NPIPB4: variants seen among roughly 807,000 people sequenced by gnomAD.
NPIPB4 encodes the protein nuclear pore complex-interacting protein family member B4.
For missense variants in NPIPB4, 105 were observed against 513.7 expected (o/e 0.20, Z 7.69); for synonymous variants, 31 against 194.1 (o/e 0.16, Z 6.99).
At chr16:21,850,433 G>A (rs1390534826) in intron 2 of NPIPB4, among the ~76,000 whole-genome samples, 9 of 152,026 alleles carry the variant, frequency 5.9e-5, no homozygotes, top group Non-Finnish European at 1.0e-4. Context: ...GGCAGATCAC[G>A]AGGTCAAGAG....
At chr16:21,845,866 A>ATTTTCCT (rs1475900044) in intron 3 of NPIPB4, among the ~76,000 whole-genome samples, 11 of 125,046 alleles carry the variant, frequency 8.8e-5, no homozygotes, top group Non-Finnish European at 1.8e-4. Flanking sequence ...TGGAATTGTT[A>ATTTTCCT]AAAAGTGGTA....
chr16:21,853,749 AC>A (rs1463366300), intron 2 of NPIPB4, among the ~76,000 whole-genome samples: 1 of 6,436 alleles, frequency 1.6e-4, no homozygotes, highest in Non-Finnish European at 2.4e-4. Flanking sequence ...GGCAGAGAGT[AC>A]TATAATGTCC....
intron 5 of NPIPB4, among the ~76,000 whole-genome samples, chr16:21,840,598 A>G (rs1371223667): frequency 6.9e-6 from 1 of 144,378 alleles, no homozygotes; most frequent in African/African-American, 2.5e-5. Flanking sequence ...CCTCCCATTG[A>G]GGGACAAAAA....
intron 2 of NPIPB4, among the ~76,000 whole-genome samples, chr16:21,847,893 CTT>C (rs1374095202): frequency 6.0e-5 from 1 of 16,728 alleles, no homozygotes; most frequent in Non-Finnish European, 1.2e-4. Flanking sequence ...AAAAAAACCT[CTT>C]TTTTTTTTTT....
intron 3 of NPIPB4, among the ~76,000 whole-genome samples, chr16:21,846,004 GA>G (rs1902102645): frequency 7.2e-6 from 1 of 138,864 alleles, no homozygotes; most frequent in Admixed American, 7.6e-5. Context: ...GTAAAACCCC[GA>G]CTCTACTAAA....
At chr16:21,840,287 G>A (rs1901654404) in intron 5 of NPIPB4, among the ~76,000 whole-genome samples, 1 of 54,342 alleles carries the variant, frequency 1.8e-5, no homozygotes, top group East Asian at 6.2e-4. Flanking sequence ...ACTCCAATGG[G>A]CGTTTCCCAA....
chr16:21,850,025 G>A (rs1161284031), intron 2 of NPIPB4, among the ~76,000 whole-genome samples: 1 of 60,782 alleles, frequency 1.6e-5, no homozygotes, highest in Non-Finnish European at 3.8e-5. Context: ...GCTTTGGGAG[G>A]CCGAGGCGGG....
At chr16:21,850,624 A>G (rs1902438135) in intron 2 of NPIPB4, among the ~76,000 whole-genome samples, 1 of 89,158 alleles carries the variant, frequency 1.1e-5, no homozygotes. Flanking sequence ...GTGAGCCGAG[A>G]TCTTGCCACT....
At chr16:21,856,359 C>T (rs1169063635) in intron 2 of NPIPB4, among the ~76,000 whole-genome samples, 1 of 11,290 alleles carries the variant, frequency 8.9e-5, no homozygotes, top group Non-Finnish European at 1.4e-4. Context: ...ATATAAATCT[C>T]AAAAATAAAA....
At chr16:21,841,449 G>A (rs1198268533) in intron 5 of NPIPB4, among the ~76,000 whole-genome samples, 25 of 122,396 alleles carry the variant, frequency 2.0e-4, no homozygotes, top group African/African-American at 6.9e-4. Flanking sequence ...TGCAATGGGA[G>A]CAGGGTCCTG....
chr16:21,850,201 C>T (rs1415583406), intron 2 of NPIPB4, among the ~76,000 whole-genome samples: 7 of 140,528 alleles, frequency 5.0e-5, no homozygotes, highest in African/African-American at 7.6e-5. Flanking sequence ...GCAGAGGTTG[C>T]GGTGAGCTGA....
In NPIPB4 at chr16:21,837,393, G is replaced by A. The variant is rs200287626; in HGVS notation, c.994C>T (p.Pro332Ser). Residue 332 changes from proline to serine, a missense_variant, in exon 8 of 8, where the codon CCA becomes TCA. Physicochemically the swap from Pro to Ser is moderately conservative, Grantham distance 74. Coordinates refer to ENST00000682606, the MANE Select transcript of NPIPB4 (RefSeq NM_001384980.1). ...TTGAGTTTATCATCCGCTGAGGGTGGAAGGGGAGTGAGGAGACACTCAGGA... is the reference window on the plus strand; with the variant it reads ...TTGAGTTTATCATCCGCTGAGGGTGAAAGGGGAGTGAGGAGACACTCAGGA... Reference protein sequence around the residue: ...TPPECLLTPLPPSADDKLKTP... With the variant: ...TPPECLLTPLSPSADDKLKTP... 5 of 1,467,588 alleles carry A rather than the reference G, an allele frequency of 3.4e-6. 1 individual carries two copies. Among genetic ancestry groups the A allele is most frequent in the African/African-American group, 2.8e-5 (1 of 36,106 alleles). The allele number at this position is 1,467,588 out of a possible 1,614,324, so 90.9% of individuals were successfully genotyped here. A position where few individuals can be genotyped will look rare whatever the true frequency, so the allele number is the denominator to read the frequency against.
In NPIPB4 at chr16:21,837,323, A is replaced by T; in HGVS notation, c.1064T>A (p.Leu355Gln). 6 of 1,260,642 alleles carry T rather than the reference A, an allele frequency of 4.8e-6. 1 individual carries two copies. Among genetic ancestry groups the T allele is most frequent in the Non-Finnish European group, 5.9e-6 (6 of 1,009,798 alleles). The allele number at this position is 1,260,642 out of a possible 1,614,324, so 78.1% of individuals were successfully genotyped here. ...CLLTPLPPSALPSAPPSADDN... is the reference protein window; with the variant it reads ...CLLTPLPPSAQPSAPPSADDN... ...ATCCGCTGAGGGTGGAGCTGAGGGTAGAGCTGAGGGTGGAAGGGGAGTGAG... is the reference window on the plus strand; with the variant it reads ...ATCCGCTGAGGGTGGAGCTGAGGGTTGAGCTGAGGGTGGAAGGGGAGTGAG... The change falls in exon 8 of 8, where the codon CTA (leucine) becomes CAA (glutamine). Residue 355 changes from leucine (L) to glutamine (Q), a missense_variant. Coordinates refer to ENST00000682606, the MANE Select transcript of NPIPB4 (RefSeq NM_001384980.1).
intron 2 of NPIPB4, chr16:21,853,948 AGACCAGCTATGTTGCTGCT>A (rs1902664647): frequency 1.4e-4 from 1 of 6,940 alleles, no homozygotes; most frequent in Non-Finnish European, 2.4e-4. Flanking sequence ...CTTAGATTTG[AGACCAGCTATGTTGCTGCT>A]GACCAGCTGT....
chr16:21,849,862 A>C (rs1288296241), intron 2 of NPIPB4, among the ~76,000 whole-genome samples: 28 of 7,506 alleles, frequency 3.7e-3, no homozygotes, highest in African/African-American at 8.4e-3. Context: ...TACCTATGGC[A>C]TGGCATGCAT....
rs1367752449 is a variant in NPIPB4, at chr16:21,850,475, C to T, written c.121-2934G>A. Among the ~76,000 whole-genome samples, 4 of 151,986 alleles carry T rather than the reference C, an allele frequency of 2.6e-5. 1 individual carries two copies. Among genetic ancestry groups the T allele is most frequent in the African/African-American group, 9.7e-5 (4 of 41,260 alleles). On this transcript the variant is annotated intron_variant, in intron 2 of 7. Coordinates refer to ENST00000682606, the MANE Select transcript of NPIPB4 (RefSeq NM_001384980.1). ...ACTATCCTGGCGAACATGGTGAAAC[C>T]CCATCTCTACTAAAAACACAAAAAT...
At position 21,836,488 on chromosome 16, in the gene NPIPB4, G is replaced by A. The variant is rs1335137276; in HGVS notation, c.1899C>T (p.His633=). 2 of 1,508,762 alleles carry A rather than the reference G, an allele frequency of 1.3e-6. No individual in the cohort carries two copies. The highest frequency in any genetic ancestry group is 1.6e-5 in the African/African-American group (1 of 62,238). The allele number at this position is 1,508,762 out of a possible 1,614,324, so 93.5% of individuals were successfully genotyped here. A position where few individuals can be genotyped will look rare whatever the true frequency, so the allele number is the denominator to read the frequency against. ...FHPQRMIISR[H]LPSVSSLPFH... is the part of the protein sequence containing the mutation. ...AGGGGAGTGAGCTGACGCTCGGAAG[G>A]TGTCTTGAGATTATCATCCGCTGAG... is the stretch of plus-strand genomic sequence containing the variant. Residue 633 remains histidine, a synonymous_variant, in exon 8 of 8, where the codon CAC becomes CAT. Coordinates refer to ENST00000682606, the MANE Select transcript of NPIPB4 (RefSeq NM_001384980.1).
intron 2 of NPIPB4, among the ~76,000 whole-genome samples, chr16:21,850,870 A>T (rs1176297535): frequency 1.0e-4 from 2 of 19,640 alleles, no homozygotes; most frequent in Admixed American, 9.9e-4. Context: ...GGTACGCACC[A>T]CCAGGCCCGA....
At chr16:21,850,733 CTT>C (rs1902456584) in intron 2 of NPIPB4, among the ~76,000 whole-genome samples, 1 of 99,870 alleles carries the variant, frequency 1.0e-5, no homozygotes, top group African/African-American at 4.4e-5. Context: ...TGACATTTCA[CTT>C]TGTTTTGGTC....
Sources: allele counts gnomAD v4.1 joint callset (sites outside exome capture counted in the v4.1 genomes callset), GRCh38; gene constraint gnomAD v4.1.1; transcripts MANE v1.5; gene names NCBI Gene and HGNC (gene_info 2026-07-23, HGNC 2026-07-21).